Variants in ABCA8 observed in about 807,000 individuals in gnomAD.
The protein encoded by ABCA8 is ABC-type organic anion transporter ABCA8.
A neutral mutation model predicts 192.3 loss-of-function variants in ABCA8; 177 were observed. That is an observed-to-expected ratio of 0.92 (90% confidence interval 0.81 to 1.04). ABCA8 has a LOEUF of 1.04. ABCA8 is among the 50% of genes least tolerant of loss of function. ABCA8 has a pLI of 0.00. For synonymous variants in ABCA8, 642 were observed against 690.2 expected (o/e 0.93, Z 1.09); for missense variants, 1,915 against 1,904.8 (o/e 1.01, Z -0.10).
At chr17:68,944,868 G>C (rs2068353547) in intron 2 of ABCA8, 1 of 152,148 alleles carries the variant, frequency 6.6e-6, no homozygotes, top group East Asian at 1.9e-4. Context: ...GCGGGGGAGA[G>C]GACGCTCTCA....
chr17:68,901,557 C>T (rs2066912116), intron 21 of ABCA8, among the ~76,000 whole-genome samples: 1 of 152,058 alleles, frequency 6.6e-6, no homozygotes, highest in South Asian at 2.1e-4. Context: ...CCTGTAATCC[C>T]AACACTTTGG....
chr17:68,907,207 A>G (rs2067091511), intron 18 of ABCA8, among the ~76,000 whole-genome samples: 1 of 152,142 alleles, frequency 6.6e-6, no homozygotes, highest in Non-Finnish European at 1.5e-5. Flanking sequence ...TAAAATGTGT[A>G]TTTGAATGAA....
At chr17:68,930,161 G>A (rs765281337) in intron 7 of ABCA8, among the ~76,000 whole-genome samples, 1 of 152,094 alleles carries the variant, frequency 6.6e-6, no homozygotes, top group Non-Finnish European at 1.5e-5. Flanking sequence ...GCTATGTAGG[G>A]CACTGTCTTA....
chr17:68,933,025 A>G (rs1289336474), intron 6 of ABCA8, 143 bp downstream of exon 6: 1 of 638,594 alleles, frequency 1.6e-6, no homozygotes, highest in Non-Finnish European at 2.8e-6. Context: ...ATTCCGTGGT[A>G]TATAGTAACT....
chr17:68,945,929 ACTT>A (rs1171873851), intron 2 of ABCA8, among the ~76,000 whole-genome samples: 3 of 152,074 alleles, frequency 2.0e-5, no homozygotes, highest in Non-Finnish European at 4.4e-5. Flanking sequence ...AGTTACTAGA[ACTT>A]CATAATAAGC....
intron 38 of ABCA8, among the ~76,000 whole-genome samples, chr17:68,869,005 C>T (rs2065981987): frequency 6.6e-6 from 1 of 152,086 alleles, no homozygotes. Flanking sequence ...TTACTGTGAC[C>T]ACAGATGCTC....
chr17:68,914,842 CT>C (rs2067315316), intron 17 of ABCA8, among the ~76,000 whole-genome samples: 1 of 152,018 alleles, frequency 6.6e-6, no homozygotes, highest in Non-Finnish European at 1.5e-5. Flanking sequence ...CAAAGCCATT[CT>C]TAGCAAAAAG....
chr17:68,913,883 G>A (rs1015703645), intron 17 of ABCA8, among the ~76,000 whole-genome samples: 1 of 151,646 alleles, frequency 6.6e-6, no homozygotes, highest in African/African-American at 2.4e-5. Context: ...AGATATGACT[G>A]GAATATTGAT....
intron 27 of ABCA8, 63 bp downstream of exon 27, chr17:68,885,133 G>T: frequency 6.5e-7 from 1 of 1,536,640 alleles, no homozygotes; most frequent in Non-Finnish European, 8.8e-7. Flanking sequence ...CTTCAACATT[G>T]GGCAAAGCTT....
At chr17:68,934,945 T>A (rs1393616387) in intron 5 of ABCA8, among the ~76,000 whole-genome samples, 1 of 152,190 alleles carries the variant, frequency 6.6e-6, no homozygotes, top group Non-Finnish European at 1.5e-5. Flanking sequence ...TCTTGATCTG[T>A]GTTGTTTTAT....
Position 68,906,095 on chromosome 17 carries a change from A to C in ABCA8, c.2347T>G (p.Leu783Val). ...IENYGVSMTTLNEVFLKLEGK... is the reference protein window; with the variant it reads ...IENYGVSMTTVNEVFLKLEGK... Reference sequence around the variant, plus strand: ...TCTAGCTTCAGGAATACTTCATTCAAAGTTGTCATGGAAACACCATAATTC... The same window carrying C: ...TCTAGCTTCAGGAATACTTCATTCACAGTTGTCATGGAAACACCATAATTC... Residue 783 changes from leucine (L) to valine (V), a missense_variant, in exon 19 of 40, where the codon TTG (leucine) becomes GTG (valine). Coordinates refer to ENST00000586539, the MANE Select transcript of ABCA8 (RefSeq NM_001288985.2). The C allele has an allele frequency of 6.2e-7, 1 of 1,600,688 alleles. No homozygotes were observed. The highest frequency in any genetic ancestry group is 8.5e-7 in the Non-Finnish European group (1 of 1,173,930).
intron 19 of ABCA8, 110 bp from the exon 20 acceptor site, chr17:68,903,609 C>A: frequency 1.0e-6 from 1 of 984,830 alleles, no homozygotes; most frequent in Non-Finnish European, 1.5e-6. Flanking sequence ...ATAGGTATAA[C>A]GTGGTTTTGC....
intron 9 of ABCA8, 139 bp from the exon 10 acceptor site, chr17:68,928,202 T>C: frequency 1.6e-6 from 1 of 622,116 alleles, no homozygotes; most frequent in Non-Finnish European, 2.5e-6. Flanking sequence ...GCCTCCTTTA[T>C]GGTTCTCAAA....
intron 27 of ABCA8, 66 bp downstream of exon 27, chr17:68,885,129 CA>C (rs1395874305): frequency 6.6e-7 from 1 of 1,525,316 alleles, no homozygotes; most frequent in Admixed American, 2.1e-5. Context: ...AGACCTTCAA[CA>C]TTGGGCAAAG....
chr17:68,867,962 C>A lies in ABCA8; in HGVS notation c.*123G>T. ...ACCCAGCACCCGAACCTCCTCCTCCCACCACACGGAGAACCATTTCTGTAC... is the reference window on the plus strand; with the variant it reads ...ACCCAGCACCCGAACCTCCTCCTCCAACCACACGGAGAACCATTTCTGTAC... On this transcript the variant is annotated 3_prime_UTR_variant, in exon 40 of 40. Transcript: ENST00000586539. 1 of 798,826 alleles carries A rather than the reference C, an allele frequency of 1.3e-6. No individual in the cohort carries two copies. The allele number at this position is 798,826 out of a possible 1,614,324, so 49.5% of individuals were successfully genotyped here.
chr17:68,895,387 A>G (rs1263186005), intron 21 of ABCA8, among the ~76,000 whole-genome samples: 2 of 152,158 alleles, frequency 1.3e-5, no homozygotes, highest in Non-Finnish European at 2.9e-5. Context: ...AATTTTCTTG[A>G]TACTGGAAGA....
chr17:68,905,774 T>C (rs1481679080), intron 19 of ABCA8, among the ~76,000 whole-genome samples: 3 of 152,198 alleles, frequency 2.0e-5, no homozygotes, highest in African/African-American at 7.2e-5. Flanking sequence ...TGGGTTCATG[T>C]TTTATATTAA....
intron 4 of ABCA8, among the ~76,000 whole-genome samples, chr17:68,937,925 A>C (rs59803786): frequency 0.023 from 3,443 of 152,282 alleles, 129 homozygotes; most frequent in African/African-American, 0.078. Flanking sequence ...CTCTTTTTAC[A>C]GAATACAGTT....
intron 16 of ABCA8, 22 bp downstream of exon 16, chr17:68,918,025 C>T (rs1228719618): frequency 6.2e-7 from 1 of 1,613,560 alleles, no homozygotes; most frequent in Non-Finnish European, 8.5e-7. Flanking sequence ...CCTCAGGATA[C>T]TTAACAGAAA....
Sources: gnomAD v4.1 joint callset for allele counts (sites outside exome capture counted in the v4.1 genomes callset) on GRCh38, gnomAD v4.1.1 for gene constraint, MANE v1.5 for transcripts, NCBI Gene and HGNC (gene_info 2026-07-23, HGNC 2026-07-21) for gene names.